SLIT3: variants seen among roughly 807,000 people sequenced by gnomAD.
SLIT3 encodes slit guidance ligand 3, also known as slit homolog 3 protein.
SLIT3 carries 68 observed loss-of-function variants against 184.0 expected under a neutral mutation model. That is an observed-to-expected ratio of 0.37 (90% CI 0.30 to 0.45). The LOEUF (loss-of-function observed/expected upper bound fraction) is 0.45, where lower values mean the gene tolerates loss of function less well. Among genes scored for constraint, SLIT3 ranks in the 20% least tolerant of loss-of-function variants. The probability of loss-of-function intolerance (pLI) is 1.00; values close to 1 mark genes in which losing one functional copy is unlikely to be tolerated. For missense variants in SLIT3, 1,707 were observed against 2,026.0 expected (o/e 0.84, Z 3.02); for synonymous variants, 831 against 828.6 (o/e 1.00, Z -0.05).
intron 27 of SLIT3, 34 bp downstream of exon 27, chr5:168,700,548 A>T: frequency 5.5e-6 from 8 of 1,457,930 alleles, no homozygotes; most frequent in Non-Finnish European, 5.8e-6. Flanking sequence ...AGAGCAAACT[A>T]ATACAGTGAG....
At chr5:169,241,791 T>A (rs939693483) in intron 3 of SLIT3, among the ~76,000 whole-genome samples, 4 of 152,144 alleles carry the variant, frequency 2.6e-5, no homozygotes, top group Non-Finnish European at 5.9e-5. Context: ...ACCTGTGTTA[T>A]GAGAGTAGGG....
intron 4 of SLIT3, among the ~76,000 whole-genome samples, chr5:169,093,223 C>A (rs1759653641): frequency 6.6e-6 from 1 of 152,126 alleles, no homozygotes; most frequent in African/African-American, 2.4e-5. Flanking sequence ...TTACTGGTTT[C>A]ATTCTTAGGT....
intron 4 of SLIT3, among the ~76,000 whole-genome samples, chr5:169,060,719 G>C (rs1758149635): frequency 6.6e-6 from 1 of 152,244 alleles, no homozygotes; most frequent in African/African-American, 2.4e-5. Context: ...ACCAGGAGCA[G>C]AGCTCAGGCA....
chr5:169,180,378 T>C (rs928078770), intron 4 of SLIT3, among the ~76,000 whole-genome samples: 5 of 152,206 alleles, frequency 3.3e-5, no homozygotes, highest in African/African-American at 9.7e-5. Flanking sequence ...CTCAGGACTA[T>C]GTAAAGTCAT....
At chr5:169,015,403 T>C (rs928794205) in intron 4 of SLIT3, among the ~76,000 whole-genome samples, 12 of 152,184 alleles carry the variant, frequency 7.9e-5, no homozygotes, top group Non-Finnish European at 1.5e-4. Context: ...CAGGAGCCAC[T>C]CAGCAATGAT....
intron 4 of SLIT3, among the ~76,000 whole-genome samples, chr5:169,039,198 A>G (rs17734503): frequency 0.19 from 28,473 of 152,166 alleles, 4,020 homozygotes; most frequent in East Asian, 0.42. Flanking sequence ...AACCACAAAG[A>G]AACAGAGGAA....
At chr5:169,271,307 C>T (rs557613602) in intron 1 of SLIT3, among the ~76,000 whole-genome samples, 8 of 152,188 alleles carry the variant, frequency 5.3e-5, no homozygotes, top group Non-Finnish European at 1.0e-4. Context: ...ATCCCCATGC[C>T]TGCCTTTCTC....
chr5:168,968,807 A>G (rs1034702497), intron 4 of SLIT3, among the ~76,000 whole-genome samples: 1 of 152,166 alleles, frequency 6.6e-6, no homozygotes, highest in African/African-American at 2.4e-5. Flanking sequence ...TTTGACTCAG[A>G]CAGACTTAGG....
At chr5:169,208,532 C>T (rs1764151569) in intron 3 of SLIT3, among the ~76,000 whole-genome samples, 1 of 152,188 alleles carries the variant, frequency 6.6e-6, no homozygotes, top group South Asian at 2.1e-4. Flanking sequence ...TGACTTCAAA[C>T]TACACTAATA....
intron 3 of SLIT3, among the ~76,000 whole-genome samples, chr5:169,203,669 C>G (rs1358235143): frequency 2.6e-5 from 4 of 152,234 alleles, no homozygotes; most frequent in East Asian, 3.9e-4. Flanking sequence ...TACCCTGCTA[C>G]CAGGATAACA....
intron 4 of SLIT3, among the ~76,000 whole-genome samples, chr5:169,021,373 G>T (rs1048042374): frequency 5.9e-5 from 9 of 151,838 alleles, no homozygotes; most frequent in African/African-American, 2.2e-4. Flanking sequence ...TTTTGAGATG[G>T]AGTCTCTTGC....
At chr5:168,933,439 G>A (rs958892238) in intron 4 of SLIT3, among the ~76,000 whole-genome samples, 6 of 152,266 alleles carry the variant, frequency 3.9e-5, no homozygotes, top group African/African-American at 1.2e-4. Context: ...CCACTCAGGC[G>A]GCTGAGACAG....
chr5:168,766,746 G>C (rs1202663718), intron 14 of SLIT3, among the ~76,000 whole-genome samples: 1 of 152,192 alleles, frequency 6.6e-6, no homozygotes, highest in Non-Finnish European at 1.5e-5. Flanking sequence ...TCTCTGTAAG[G>C]TGGGAAAGGG....
rs1760996025 is a variant in SLIT3 at position 168,665,210 on chromosome 5, T to A, written c.*1244A>T. 2 of 152,196 alleles carry A rather than the reference T, an allele frequency of 1.3e-5. No individual in the cohort carries two copies. Among genetic ancestry groups the A allele is most frequent in the African/African-American group, 4.8e-5 (2 of 41,432 alleles). The allele number at this position is 152,196 out of a possible 1,614,324, so 9.4% of individuals were successfully genotyped here. ...TGAACCCAGCTCTACTCCCTTATCC[T>A]TCCCAGGGAGGCAGGGGTTGCATAG... On this transcript the variant is annotated 3_prime_UTR_variant, in exon 36 of 36. Coordinates refer to ENST00000519560, the MANE Select transcript of SLIT3 (RefSeq NM_003062.4).
chr5:168,834,618 T>C (rs1168896086), intron 6 of SLIT3, among the ~76,000 whole-genome samples: 198 of 125,858 alleles, frequency 1.6e-3, no homozygotes, highest in Admixed American at 3.7e-3. Context: ...GCCTGGGAGG[T>C]GGAGGTTGCA....
intron 3 of SLIT3, among the ~76,000 whole-genome samples, chr5:169,214,964 GC>G: frequency 6.6e-6 from 1 of 152,108 alleles, no homozygotes; most frequent in South Asian, 2.1e-4. Context: ...TCTTCCCTCC[GC>G]ATTACTGAAA....
intron 4 of SLIT3, among the ~76,000 whole-genome samples, chr5:169,157,454 C>T (rs1762347039): frequency 1.3e-5 from 2 of 152,248 alleles, no homozygotes; most frequent in South Asian, 4.2e-4. Context: ...ATTCCCACAC[C>T]TACTTAGCAG....
At chr5:168,902,849 T>G (rs1010376470) in intron 4 of SLIT3, among the ~76,000 whole-genome samples, 2 of 152,056 alleles carry the variant, frequency 1.3e-5, no homozygotes, top group Non-Finnish European at 2.9e-5. Flanking sequence ...GTGACTGTGG[T>G]TAGCATGGGC....
At chr5:168,833,717 CA>C (rs1441631617) in intron 6 of SLIT3, among the ~76,000 whole-genome samples, 1 of 152,220 alleles carries the variant, frequency 6.6e-6, no homozygotes, top group Admixed American at 6.5e-5. Context: ...AAGCAGACAG[CA>C]ATAAAGAGAA....
Sources: allele counts gnomAD v4.1 joint callset (sites outside exome capture counted in the v4.1 genomes callset), GRCh38; gene constraint gnomAD v4.1.1; transcripts MANE v1.5; gene names NCBI Gene and HGNC (gene_info 2026-07-23, HGNC 2026-07-21).